BLVRA: variants seen among roughly 807,000 people sequenced by gnomAD.
The protein encoded by BLVRA is biliverdin reductase A.
Under a neutral mutation model 32.8 loss-of-function variants are expected in BLVRA, and 22 were observed. That is an observed-to-expected ratio of 0.67 (90% CI 0.48 to 0.96). The LOEUF (loss-of-function observed/expected upper bound fraction) is 0.96. Ranked by LOEUF, BLVRA falls within the 40% of genes least tolerant of loss-of-function variation. The pLI, the probability that BLVRA is intolerant of heterozygous loss-of-function variation, is 0.00. For missense variants in BLVRA, 323 were observed against 358.1 expected (o/e 0.90, Z 0.79); for synonymous variants, 119 against 141.3 (o/e 0.84, Z 1.12).
intron 2 of BLVRA, among the ~76,000 whole-genome samples, chr7:43,781,400 G>A (rs1268796859): frequency 6.6e-6 from 1 of 152,084 alleles, no homozygotes; most frequent in Non-Finnish European, 1.5e-5. Flanking sequence ...AGGCTGGAGT[G>A]CAGTGGTGTG....
At chr7:43,758,317 C>CA (rs1450120836), upstream of BLVRA, among the ~76,000 whole-genome samples, 1 of 111,994 alleles carries the variant, frequency 8.9e-6, no homozygotes, top group Non-Finnish European at 2.3e-5. Flanking sequence ...AGAGATGCGA[C>CA]ACCCCCCGGG....
intron 2 of BLVRA, among the ~76,000 whole-genome samples, chr7:43,773,726 A>T (rs998038307): frequency 1.3e-5 from 2 of 152,204 alleles, no homozygotes; most frequent in African/African-American, 4.8e-5. Flanking sequence ...TGACTTCCAC[A>T]AGGGTTGAAC....
intron 2 of BLVRA, among the ~76,000 whole-genome samples, chr7:43,779,937 G>T (rs2095766806): frequency 6.6e-6 from 1 of 151,702 alleles, no homozygotes; most frequent in African/African-American, 2.4e-5. Flanking sequence ...ACAGTGGCGT[G>T]ATCTTGGCTC....
chr7:43,792,538 A>C (rs1277315688), intron 4 of BLVRA, among the ~76,000 whole-genome samples, 177 bp from the exon 5 acceptor site: 1 of 152,246 alleles, frequency 6.6e-6, no homozygotes, highest in African/African-American at 2.4e-5. Context: ...AGTAGAAAAC[A>C]ATGTGGGATA....
At chr7:43,772,929 C>T (rs1037620039) in intron 2 of BLVRA, among the ~76,000 whole-genome samples, 13 of 152,124 alleles carry the variant, frequency 8.5e-5, no homozygotes, top group African/African-American at 3.1e-4. Context: ...CACCTAGTGA[C>T]GGTATACCCT....
intron 2 of BLVRA, 87 bp downstream of exon 2, chr7:43,771,257 G>C: frequency 6.8e-7 from 1 of 1,467,246 alleles, no homozygotes; most frequent in Non-Finnish European, 9.5e-7. Flanking sequence ...TTCCCTTTCA[G>C]AAACATCAGC....
chr7:43,761,820 C>T (rs1464336568), intron 1 of BLVRA, among the ~76,000 whole-genome samples: 1 of 152,070 alleles, frequency 6.6e-6, no homozygotes, highest in Non-Finnish European at 1.5e-5. Flanking sequence ...TTAAAGTGTA[C>T]AGAGAAGCAA....
intron 1 of BLVRA, among the ~76,000 whole-genome samples, chr7:43,768,512 C>T (rs2690385): frequency 9.9e-4 from 151 of 152,080 alleles, no homozygotes; most frequent in Non-Finnish European, 1.5e-3. Context: ...CCAGGCACTT[C>T]GTCTGTAAAA....
intron 6 of BLVRA, among the ~76,000 whole-genome samples, 185 bp from the exon 7 acceptor site, chr7:43,803,491 T>G (rs1407497187): frequency 6.6e-6 from 1 of 152,168 alleles, no homozygotes; most frequent in Non-Finnish European, 1.5e-5. Flanking sequence ...AGAGTTGAAG[T>G]TCAGCCACCT....
chr7:43,767,969 G>C (rs1358445035), intron 1 of BLVRA, among the ~76,000 whole-genome samples: 1 of 152,128 alleles, frequency 6.6e-6, no homozygotes, highest in Non-Finnish European at 1.5e-5. Flanking sequence ...AGAATTGCTA[G>C]GTCAGATTGG....
intron 1 of BLVRA, among the ~76,000 whole-genome samples, chr7:43,766,047 G>A (rs1225276380): frequency 2.0e-5 from 3 of 152,172 alleles, no homozygotes; most frequent in African/African-American, 4.8e-5. Flanking sequence ...CAGCATTTTG[G>A]GAGGCCGAGG....
Position 43,762,184 on chromosome 7 carries a change from A to G in BLVRA, c.-22+3450A>G, listed in dbSNP as rs143860360. 4.0e-3 allele frequency among the ~76,000 whole-genome samples: 615 copies of G among 151,872 alleles called. 4 individuals are homozygous for G. Among genetic ancestry groups the G allele is most frequent in the African/African-American group, 0.014 (584 of 41,398 alleles). On this transcript the variant is annotated intron_variant, in intron 1 of 7. Coordinates refer to ENST00000265523, the MANE Select transcript of BLVRA (RefSeq NM_000712.4). Reference sequence around the variant, plus strand: ...ATGATGTGTAATCCAGGCTTTTTCAACTCTGGCACTGTTGACATTTTGGGC... The same window carrying G: ...ATGATGTGTAATCCAGGCTTTTTCAGCTCTGGCACTGTTGACATTTTGGGC...
At chr7:43,765,350 CA>C (rs1402514446) in intron 1 of BLVRA, among the ~76,000 whole-genome samples, 2 of 152,098 alleles carry the variant, frequency 1.3e-5, no homozygotes, top group African/African-American at 4.8e-5. Context: ...CTCCTGGGTT[CA>C]AGCAATTCTC....
chr7:43,768,659 C>T (rs938830703), intron 1 of BLVRA, among the ~76,000 whole-genome samples: 1 of 152,188 alleles, frequency 6.6e-6, no homozygotes, highest in East Asian at 1.9e-4. Flanking sequence ...GTTATCTGTT[C>T]TGTCACTGTT....
intron 7 of BLVRA, among the ~76,000 whole-genome samples, chr7:43,804,532 A>C (rs1158071397): frequency 6.6e-6 from 1 of 152,158 alleles, no homozygotes; most frequent in Non-Finnish European, 1.5e-5. Context: ...CATATTGTGA[A>C]GTTGAAAGAA....
At chr7:43,789,937 G>A (rs909536002) in intron 3 of BLVRA, among the ~76,000 whole-genome samples, 10 of 151,882 alleles carry the variant, frequency 6.6e-5, no homozygotes, top group Admixed American at 2.0e-4. Context: ...ATTGAAAGGC[G>A]ATGATTTTAA....
At chr7:43,802,583 G>T (rs552335051) in intron 6 of BLVRA, among the ~76,000 whole-genome samples, 87 of 152,062 alleles carry the variant, frequency 5.7e-4, no homozygotes, top group African/African-American at 2.0e-3. Context: ...CTGTAACCTC[G>T]AACTCCTCAG....
chr7:43,788,527 T>C (rs1369726036), intron 3 of BLVRA, among the ~76,000 whole-genome samples: 1 of 152,234 alleles, frequency 6.6e-6, no homozygotes, highest in Non-Finnish European at 1.5e-5. Flanking sequence ...GAACTGAAGT[T>C]GAGCAGAAGT....
Position 43,800,583 on chromosome 7 carries a change from C to T in BLVRA, c.460+11C>T, listed in dbSNP as rs750290190. The stretch of plus-strand genomic sequence containing the variant: ...CGCTCCTCTTCACAGGTCAGTGCTA[C>T]GTGGGATCACAGGTCACATGTGAGG... On this transcript the variant is annotated intron_variant, in intron 6 of 7. Transcript: ENST00000265523. 9 of 1,610,586 alleles carry T rather than the reference C, an allele frequency of 5.6e-6. No individual in the cohort carries two copies. The highest frequency in any genetic ancestry group is 3.3e-5 in the Admixed American group (2 of 59,982).
Sources: gnomAD v4.1 joint callset for allele counts (sites outside exome capture counted in the v4.1 genomes callset) on GRCh38, gnomAD v4.1.1 for gene constraint, MANE v1.5 for transcripts, NCBI Gene and HGNC (gene_info 2026-07-23, HGNC 2026-07-21) for gene names.